The following AOAH variants were observed in gnomAD, a reference collection of about 807,000 sequenced individuals.
AOAH encodes acyloxyacyl hydrolase (neutrophil).
AOAH carries 64 observed loss-of-function variants against 92.2 expected under a neutral mutation model. That is an observed-to-expected ratio of 0.69 (90% CI 0.57 to 0.86). The LOEUF is 0.86. AOAH is among the 40% of genes least tolerant of loss of function. AOAH has a pLI of 0.00. For missense variants in AOAH, 656 were observed against 694.6 expected, an observed-to-expected ratio of 0.94 and a Z score of 0.62; for synonymous variants, 263 against 254.5, an observed-to-expected ratio of 1.03 and a Z score of -0.32.
chr7:36,710,550 A>G (rs1798701622), intron 1 of AOAH, among the ~76,000 whole-genome samples: 1 of 152,176 alleles, frequency 6.6e-6, no homozygotes, highest in Admixed American at 6.5e-5. Context: ...TGAGCAGGGA[A>G]CTCAATTATG....
At chr7:36,612,310 T>G (rs1483724249) in intron 11 of AOAH, among the ~76,000 whole-genome samples, 1 of 152,344 alleles carries the variant, frequency 6.6e-6, no homozygotes, top group Non-Finnish European at 1.5e-5. Context: ...ATACATACTA[T>G]TTTGTAACCT....
chr7:36,531,810 C>A (rs928555928), intron 18 of AOAH, among the ~76,000 whole-genome samples: 9 of 152,064 alleles, frequency 5.9e-5, no homozygotes, highest in African/African-American at 1.9e-4. Flanking sequence ...CTCTCCAACT[C>A]CACAACTATG....
intron 12 of AOAH, among the ~76,000 whole-genome samples, chr7:36,591,043 CTG>C (rs1231718635): frequency 7.2e-5 from 11 of 152,172 alleles, no homozygotes; most frequent in African/African-American, 2.7e-4. Flanking sequence ...CATGCTGCCT[CTG>C]TTTCTGCTTA....
chr7:36,616,720 T>C (rs558278425), intron 10 of AOAH, among the ~76,000 whole-genome samples: 227 of 152,312 alleles, frequency 1.5e-3, no homozygotes, highest in African/African-American at 5.2e-3. Context: ...CAGCTCAGCA[T>C]AAAACATCTT....
intron 1 of AOAH, among the ~76,000 whole-genome samples, chr7:36,701,742 T>A (rs974088877): frequency 1.3e-5 from 2 of 151,990 alleles, no homozygotes; most frequent in Non-Finnish European, 2.9e-5. Context: ...CCTTTTAAAA[T>A]CTAGTATAAT....
intron 13 of AOAH, among the ~76,000 whole-genome samples, chr7:36,566,932 C>T (rs1010992281): frequency 2.0e-5 from 3 of 152,058 alleles, no homozygotes; most frequent in African/African-American, 4.8e-5. Context: ...TGCTAAGTCT[C>T]TGAATAGCTG....
intron 20 of AOAH, among the ~76,000 whole-genome samples, chr7:36,513,872 C>A (rs920908588): frequency 2.6e-5 from 4 of 152,190 alleles, no homozygotes; most frequent in African/African-American, 4.8e-5. Flanking sequence ...TAAGCTGTGA[C>A]CCACAGAAAC....
intron 12 of AOAH, among the ~76,000 whole-genome samples, chr7:36,586,504 T>C (rs951471738): frequency 6.6e-6 from 1 of 152,204 alleles, no homozygotes; most frequent in Non-Finnish European, 1.5e-5. Context: ...CAGTTTTCTT[T>C]CTACTTTCAG....
At chr7:36,723,968 C>G in intron 1 of AOAH, 54 bp downstream of exon 1, 5 of 1,575,276 alleles carry the variant, frequency 3.2e-6, no homozygotes, top group Non-Finnish European at 3.5e-6. Flanking sequence ...AAGCAAAGTA[C>G]TGGATCCCAT....
At chr7:36,703,514 C>T (rs1394773249) in intron 1 of AOAH, among the ~76,000 whole-genome samples, 3 of 152,072 alleles carry the variant, frequency 2.0e-5, no homozygotes, top group African/African-American at 2.4e-5. Flanking sequence ...CATCTACATT[C>T]GGTATTTCTC....
rs1406025023 is a variant in AOAH, at chr7:36,716,094, T to C, written c.127+7928A>G. On this transcript the variant is annotated intron_variant, in intron 1 of 20. Transcript: ENST00000617537. ...CTACTCATCTGACAAAGGGCTAATA[T>C]CCAGAATCTACAATGCACTCAAAAC... is the stretch of plus-strand genomic sequence containing the variant. Among the ~76,000 whole-genome samples the C allele has an allele frequency of 2.6e-5, 4 of 152,168 alleles. No individual in the cohort carries two copies. The East Asian group carries it at 7.7e-4, about 29-fold the overall frequency.
At chr7:36,670,232 C>A (rs755599928) in intron 3 of AOAH, among the ~76,000 whole-genome samples, 1 of 152,120 alleles carries the variant, frequency 6.6e-6, no homozygotes, top group Non-Finnish European at 1.5e-5. Context: ...TCAAGTAAAA[C>A]TAAATCATGA....
At chr7:36,515,536 T>C (rs1472963425) in intron 20 of AOAH, among the ~76,000 whole-genome samples, 21 of 11,424 alleles carry the variant, frequency 1.8e-3, no homozygotes, top group Non-Finnish European at 2.1e-3. Flanking sequence ...ACCACACCCT[T>C]CACAACCCCA....
chr7:36,593,478 C>T (rs1789894149), intron 12 of AOAH, among the ~76,000 whole-genome samples: 1 of 152,216 alleles, frequency 6.6e-6, no homozygotes, highest in Admixed American at 6.5e-5. Flanking sequence ...TCTCATGGTG[C>T]TTTCCAGCCT....
In AOAH at chr7:36,540,281, G is replaced by A. The variant is rs953315148; in HGVS notation, c.1306+38C>T. 7.2e-6 allele frequency: 11 copies of A among 1,538,434 alleles called. No homozygotes were observed. In the African/African-American group the frequency reaches 8.2e-5, roughly 12 times the overall value. On this transcript the variant is annotated intron_variant, in intron 16 of 20. Transcript: ENST00000617537. The stretch of plus-strand genomic sequence containing the variant: ...ATATACATTGAACTGTATATACATT[G>A]ATGTTATTAAAGAGTAAAAGAATCT...
At chr7:36,713,534 A>G (rs1798917736) in intron 1 of AOAH, among the ~76,000 whole-genome samples, 1 of 152,262 alleles carries the variant, frequency 6.6e-6, no homozygotes. Context: ...CTTTCTTTTC[A>G]GCACCACACC....
chr7:36,533,909 C>A (rs1014249099), intron 16 of AOAH, among the ~76,000 whole-genome samples: 2 of 152,148 alleles, frequency 1.3e-5, no homozygotes, highest in African/African-American at 2.4e-5. Context: ...TGCCTTGGTG[C>A]CTGGTGCCAT....
At chr7:36,604,192 G>A (rs1413811260) in intron 11 of AOAH, among the ~76,000 whole-genome samples, 1 of 152,126 alleles carries the variant, frequency 6.6e-6, no homozygotes, top group African/African-American at 2.4e-5. Context: ...TATTAACAGT[G>A]GGTATTAGTT....
intron 12 of AOAH, among the ~76,000 whole-genome samples, chr7:36,584,486 A>G (rs559252241): frequency 7.2e-5 from 11 of 152,216 alleles, no homozygotes; most frequent in Non-Finnish European, 1.6e-4. Context: ...ACTTATCATT[A>G]GCCAAATTCA....
Sources: gnomAD v4.1 joint callset for allele counts (sites outside exome capture counted in the v4.1 genomes callset) on GRCh38, gnomAD v4.1.1 for gene constraint, MANE v1.5 for transcripts, NCBI Gene and HGNC (gene_info 2026-07-23, HGNC 2026-07-21) for gene names.